The following TNNT1 variants were observed in gnomAD, a reference collection of about 807,000 sequenced individuals.
TNNT1 encodes the protein troponin T1, slow skeletal type.
A neutral mutation model predicts 50.6 loss-of-function variants in TNNT1; 53 were observed. The ratio of observed to expected loss-of-function variants is 1.05; its 90% CI spans 0.84 to 1.32. The LOEUF (loss-of-function observed/expected upper bound fraction) is 1.32, where lower values mean the gene tolerates loss of function less well. Among genes scored for constraint, TNNT1 ranks in the 40% most tolerant of loss-of-function variants. The pLI is 0.00. For missense variants in TNNT1, 348 were observed against 381.7 expected (o/e 0.91, Z 0.74); for synonymous variants, 142 against 138.0 (o/e 1.03, Z -0.20).
chr19:55,141,637 C>T (rs1026709854), intron 7 of TNNT1, among the ~76,000 whole-genome samples: 1 of 152,080 alleles, frequency 6.6e-6, no homozygotes, highest in African/African-American at 2.4e-5. Context: ...ACACCTGCCA[C>T]CACGCCCGGC....
intron 3 of TNNT1, 96 bp from the exon 4 acceptor site, chr19:55,146,803 G>A: frequency 4.3e-6 from 5 of 1,164,924 alleles, no homozygotes; most frequent in Non-Finnish European, 5.9e-6. Context: ...CTGGACGGGG[G>A]TCCCTCTGGC....
At chr19:55,142,373 G>A (rs1031814043) in intron 6 of TNNT1, among the ~76,000 whole-genome samples, 6 of 150,378 alleles carry the variant, frequency 4.0e-5, no homozygotes, top group Non-Finnish European at 7.4e-5. Flanking sequence ...CGCCCGCCTC[G>A]GCCTCCCAAA....
In TNNT1 at chr19:55,132,948, T is replaced by C. The variant is rs1365147328; in HGVS notation, c.804A>G (p.Ala268=). The C allele has an allele frequency of 1.6e-5, 26 of 1,603,230 alleles. No homozygotes were observed. The highest frequency in any genetic ancestry group is 2.1e-5 in the Non-Finnish European group (25 of 1,176,152). The change falls in exon 14 of 14, where the codon GCA becomes GCG. Residue 268 remains alanine, a synonymous_variant. Coordinates refer to ENST00000588981, the MANE Select transcript of TNNT1 (RefSeq NM_003283.6). ...AGCGGCCTCCAACGCGGCCCTTCCCTGCCCCCTTCCGGCTGTAGAAGAATG... is the reference window on the plus strand; with the variant it reads ...AGCGGCCTCCAACGCGGCCCTTCCCCGCCCCCTTCCGGCTGTAGAAGAATG... ...ISHAQKFRKG[A]GKGRVGGRWK
intron 6 of TNNT1, among the ~76,000 whole-genome samples, chr19:55,144,645 G>A (rs1454747529): frequency 6.6e-6 from 1 of 152,184 alleles, no homozygotes; most frequent in Non-Finnish European, 1.5e-5. Flanking sequence ...CTGCCGCTGC[G>A]CAGGCAGAGG....
intron 6 of TNNT1, among the ~76,000 whole-genome samples, chr19:55,142,477 TA>T (rs1019195121): frequency 1.4e-4 from 21 of 152,046 alleles, no homozygotes; most frequent in Non-Finnish European, 1.9e-4. Flanking sequence ...TATAACAGAT[TA>T]AAAAAACTGT....
intron 9 of TNNT1, among the ~76,000 whole-genome samples, chr19:55,138,918 G>T (rs1955237731): frequency 6.6e-6 from 1 of 152,150 alleles, no homozygotes; most frequent in Non-Finnish European, 1.5e-5. Flanking sequence ...CAGAAACAGT[G>T]GTTTGTCCAG....
intron 1 of TNNT1, among the ~76,000 whole-genome samples, chr19:55,147,675 G>GCCGGGGGC (rs1251913970): frequency 1.0e-5 from 1 of 95,644 alleles, no homozygotes; most frequent in Non-Finnish European, 1.9e-5. Flanking sequence ...GGGAGGAGGG[G>GCCGGGGGC]CTGGGGTCTG....
chr19:55,142,021 G>A (rs754615866), intron 6 of TNNT1, 101 bp from the exon 7 acceptor site: 6 of 1,226,140 alleles, frequency 4.9e-6, no homozygotes, highest in Non-Finnish European at 7.2e-6. Flanking sequence ...CCAGCCCCGG[G>A]AGGCTCCTGA....
chr19:55,135,381 C>A, intron 11 of TNNT1: 2 of 179,714 alleles, frequency 1.1e-5, no homozygotes, highest in South Asian at 4.8e-5. Flanking sequence ...CCTACCTTTC[C>A]TTCCTTCCTT....
chr19:55,146,817 G>C, intron 3 of TNNT1, 110 bp from the exon 4 acceptor site: 1 of 1,145,240 alleles, frequency 8.7e-7, no homozygotes, highest in Non-Finnish European at 1.2e-6. Flanking sequence ...CTCTGGCCTC[G>C]GCTGCGATGG....
intron 6 of TNNT1, among the ~76,000 whole-genome samples, chr19:55,143,182 A>AG (rs1273772405): frequency 6.6e-6 from 1 of 150,426 alleles, no homozygotes; most frequent in Non-Finnish European, 1.5e-5. Flanking sequence ...AAAAAAAAAA[A>AG]AGAGATGGCG....
At chr19:55,138,983 C>T (rs951118612) in intron 9 of TNNT1, among the ~76,000 whole-genome samples, 15 of 152,132 alleles carry the variant, frequency 9.9e-5, no homozygotes, top group African/African-American at 3.1e-4. Flanking sequence ...CCCAGCACTC[C>T]GTACCTGAAT....
chr19:55,134,515 G>A (rs921947027), intron 11 of TNNT1, among the ~76,000 whole-genome samples: 1 of 149,260 alleles, frequency 6.7e-6, no homozygotes, highest in Non-Finnish European at 1.5e-5. Context: ...GAGAGACCCC[G>A]TCTCTGCTAA....
chr19:55,134,681 G>A (rs2085309756), intron 11 of TNNT1, among the ~76,000 whole-genome samples: 1 of 82,456 alleles, frequency 1.2e-5, no homozygotes, highest in Non-Finnish European at 2.4e-5. Context: ...AAGAAAAGGA[G>A]AAAGGAAAGT....
intron 8 of TNNT1, 72 bp downstream of exon 8, chr19:55,141,114 C>T (rs916245218): frequency 7.3e-5 from 108 of 1,482,304 alleles, no homozygotes; most frequent in Admixed American, 2.0e-4. Context: ...AAACTATTAT[C>T]TGCATCTCCC....
At chr19:55,138,699 C>T (rs1269698749) in intron 9 of TNNT1, among the ~76,000 whole-genome samples, 1 of 152,228 alleles carries the variant, frequency 6.6e-6, no homozygotes, top group Non-Finnish European at 1.5e-5. Flanking sequence ...TGTACGACCT[C>T]ACTCCAGATG....
intron 1 of TNNT1, among the ~76,000 whole-genome samples, chr19:55,147,693 G>GGGTCT (rs1413947659): frequency 3.1e-4 from 32 of 103,548 alleles, no homozygotes; most frequent in African/African-American, 1.1e-3. Flanking sequence ...CTGGACTCCT[G>GGGTCT]GATCTGAGGG....
chr19:55,137,103 C>T lies in TNNT1; in HGVS notation c.611G>A (p.Arg204Gln), dbSNP rs765133367. ...ACCCCGAGCCCCCCACAGCACCTAC[C>T]GGAGCTGTTCCTCCCCCATGTAGTC... Reference protein sequence around the residue: ...DIDYMGEEQLRARSAWLPPSQ... With the variant: ...DIDYMGEEQLQARSAWLPPSQ... The change falls in exon 11 of 14, where the codon CGG becomes CAG. Residue 204 changes from arginine (R) to glutamine (Q), a missense_variant and splice_region_variant. By Grantham distance (43) the Arg-to-Gln change is conservative. Around this residue, in one of 3 missense-constraint regions of TNNT1, gnomAD observed 253 missense variants for 291.8 expected, o/e 0.87. Transcript: ENST00000588981. The T allele has an allele frequency of 1.0e-5, 16 of 1,595,330 alleles. No individual in the cohort carries two copies. Among genetic ancestry groups the T allele is most frequent in the Middle Eastern group, 1.7e-4 (1 of 6,060 alleles).
rs549304385 is a variant in TNNT1 at position 55,146,249 on chromosome 19, G to A, written c.106+185C>T. Among the ~76,000 whole-genome samples, 3 of 152,112 alleles carry A rather than the reference G, an allele frequency of 2.0e-5. No homozygotes were observed. The South Asian group carries it at 6.2e-4, about 32-fold the overall frequency. ...AAGGGAAAGGGTTAAAGCCACTGCG[G>A]GGCCATTTCCCTTCCCGGCCCCGAG... is the stretch of plus-strand genomic sequence containing the variant. On this transcript the variant is annotated intron_variant, in intron 5 of 13. Coordinates refer to ENST00000588981, the MANE Select transcript of TNNT1 (RefSeq NM_003283.6).
Sources: allele counts gnomAD v4.1 joint callset (sites outside exome capture counted in the v4.1 genomes callset), GRCh38; gene constraint gnomAD v4.1.1; regional missense constraint gnomAD v4.1.1; transcripts MANE v1.5; gene names NCBI Gene and HGNC (gene_info 2026-07-23, HGNC 2026-07-21).